Variants in NRP2 observed in about 807,000 individuals in gnomAD.
The protein encoded by NRP2 is neuropilin-2.
NRP2 carries 52 observed loss-of-function variants against 110.4 expected under a neutral mutation model. The observed-to-expected ratio is 0.47, with a 90% CI of 0.38 to 0.59. NRP2 has a LOEUF of 0.59. Ranked by LOEUF, NRP2 falls within the 20% of genes least tolerant of loss-of-function variation. The pLI is 0.00. For missense variants in NRP2, 1,049 were observed against 1,203.0 expected, an observed-to-expected ratio of 0.87 and a Z score of 1.89; for synonymous variants, 508 against 468.9, an observed-to-expected ratio of 1.08 and a Z score of -1.08.
At chr2:205,746,400 C>T (rs1455913250) in intron 10 of NRP2, among the ~76,000 whole-genome samples, 1 of 152,238 alleles carries the variant, frequency 6.6e-6, no homozygotes, top group Non-Finnish European at 1.5e-5. Flanking sequence ...TTCTCATTGT[C>T]CTGCTCATTC....
chr2:205,740,630 C>T lies in NRP2; in HGVS notation c.1258C>T (p.Leu420Phe). The T allele has an allele frequency of 1.2e-6, 2 of 1,614,236 alleles. No individual in the cohort carries two copies. The highest frequency in any genetic ancestry group is 1.7e-6 in the Non-Finnish European group (2 of 1,180,048). ...RPQTWHSGIA[L>F]RLELFGCRVT... ...TCAGACCTGGCACTCAGGTATCGCC[C>T]TCCGGCTGGAGCTCTTCGGCTGCCG... The change falls in exon 8 of 17, where the codon CTC becomes TTC. Residue 420 changes from leucine to phenylalanine, a missense_variant. Coordinates refer to ENST00000357785, the MANE Select transcript of NRP2 (RefSeq NM_003872.3).
intron 3 of NRP2, among the ~76,000 whole-genome samples, chr2:205,717,956 A>G (rs1464201531): frequency 1.3e-5 from 2 of 152,228 alleles, no homozygotes; most frequent in African/African-American, 4.8e-5. Flanking sequence ...GGCAGAATGA[A>G]TAAGTGCAAA....
chr2:205,724,422 C>T (rs1559328586), intron 5 of NRP2, among the ~76,000 whole-genome samples: 1 of 152,060 alleles, frequency 6.6e-6, no homozygotes, highest in African/African-American at 2.4e-5. Context: ...TAATGTTTTC[C>T]TGACTAGATT....
chr2:205,702,360 T>G (rs961260867), intron 2 of NRP2, among the ~76,000 whole-genome samples: 3 of 152,254 alleles, frequency 2.0e-5, no homozygotes, highest in Non-Finnish European at 4.4e-5. Context: ...CATTTCCAGT[T>G]GGCTTCAGCC....
chr2:205,745,599 C>G (rs951718270), intron 9 of NRP2, 147 bp from the exon 10 acceptor site: 1 of 832,358 alleles, frequency 1.2e-6, no homozygotes. Context: ...TCGCGTGGAT[C>G]AGAATGTCCC....
chr2:205,764,016 G>T, intron 13 of NRP2, 80 bp downstream of exon 13: 1 of 1,551,274 alleles, frequency 6.4e-7, no homozygotes, highest in Non-Finnish European at 8.8e-7. Flanking sequence ...TAGGGAACGT[G>T]GTTAAGCGCT....
chr2:205,727,772 T>C, intron 6 of NRP2, 119 bp from the exon 7 acceptor site: 1 of 955,318 alleles, frequency 1.0e-6, no homozygotes. Flanking sequence ...CAAGTATGTC[T>C]CAGTGAATCA....
At chr2:205,782,631 T>C (rs1263794579) in intron 15 of NRP2, among the ~76,000 whole-genome samples, 1 of 152,222 alleles carries the variant, frequency 6.6e-6, no homozygotes, top group African/African-American at 2.4e-5. Context: ...TTGGTTAAGC[T>C]GGGGTTTAGT....
intron 9 of NRP2, 52 bp from the exon 10 acceptor site, chr2:205,745,694 G>A (rs2105879985): frequency 1.2e-6 from 2 of 1,611,328 alleles, no homozygotes; most frequent in Non-Finnish European, 1.7e-6. Context: ...GGAAGAAGGT[G>A]ATAGGGACTG....
intron 6 of NRP2, 58 bp downstream of exon 6, chr2:205,726,140 G>A: frequency 6.4e-7 from 1 of 1,561,290 alleles, no homozygotes; most frequent in Non-Finnish European, 8.8e-7. Context: ...GGGTAGGAGG[G>A]TAGCTCCTCA....
chr2:205,786,688 T>G (rs2105966922), intron 15 of NRP2, among the ~76,000 whole-genome samples: 1 of 152,360 alleles, frequency 6.6e-6, no homozygotes, highest in Middle Eastern at 3.4e-3. Flanking sequence ...TAAGTGGATG[T>G]GCTAAGACTG....
At chr2:205,722,813 C>G (rs949997613) in intron 4 of NRP2, 105 bp downstream of exon 4, 22 of 875,114 alleles carry the variant, frequency 2.5e-5, no homozygotes, top group Non-Finnish European at 4.1e-5. Context: ...CCTATGAGTT[C>G]TTATATGACC....
chr2:205,694,458 T>A lies in NRP2; in HGVS notation c.74-3086T>A, dbSNP rs114656731. On this transcript the variant is annotated intron_variant, in intron 1 of 16. Transcript: ENST00000357785. ...CCAAGCCTGGATTTTGCTATCTCTC[T>A]TCGGGTGATGAATTTGCCCCAGGTG... is the stretch of plus-strand genomic sequence containing the variant. Among the ~76,000 whole-genome samples the A allele has an allele frequency of 1.6e-3, 241 of 152,358 alleles. 3 individuals carry two copies. Among genetic ancestry groups the A allele is most frequent in the Middle Eastern group, 6.8e-3 (2 of 294 alleles).
chr2:205,758,659 C>T lies in NRP2; in HGVS notation c.2045-5015C>T, dbSNP rs147143507. On this transcript the variant is annotated intron_variant, in intron 12 of 16. Transcript: ENST00000357785. ...CAGATGTTTTGGGTCAAGGACCCAGCGAAATGCCTCCCAAGTATGTCAGGT... is the reference window on the plus strand; with the variant it reads ...CAGATGTTTTGGGTCAAGGACCCAGTGAAATGCCTCCCAAGTATGTCAGGT... Among the ~76,000 whole-genome samples the T allele has an allele frequency of 1.2e-4, 18 of 152,282 alleles. No individual in the cohort carries two copies. The East Asian group carries it at 2.7e-3, about 23-fold the overall frequency.
rs114334258 is a variant in NRP2 at position 205,793,193 on chromosome 2, G to T, written c.2476+908G>T. 4.3e-3 allele frequency among the ~76,000 whole-genome samples: 649 copies of T among 152,272 alleles called. 11 individuals carry two copies. Among genetic ancestry groups the T allele is most frequent in the African/African-American group, 0.015 (612 of 41,556 alleles). On this transcript the variant is annotated intron_variant, in intron 16 of 16. Coordinates refer to ENST00000357785, the MANE Select transcript of NRP2 (RefSeq NM_003872.3). ...CATGACCAACCTACATGGAGAGACC[G>T]CAGTAGATCAGGCAGAGGCGCACTG...
intron 15 of NRP2, chr2:205,776,907 G>T (rs370978200): frequency 8.4e-7 from 1 of 1,196,934 alleles, no homozygotes; most frequent in Non-Finnish European, 1.1e-6. Context: ...GCCAGGAGAC[G>T]TGAGGGGAAG....
At position 205,738,954 on chromosome 2, in the gene NRP2, T is replaced by G. The variant is rs1322694691; in HGVS notation, c.1147-1565T>G. Among the ~76,000 whole-genome samples, 7 of 152,192 alleles carry G rather than the reference T, an allele frequency of 4.6e-5. No homozygotes were observed. In the East Asian group the frequency reaches 1.4e-3, roughly 29 times the overall value. ...TATGGTGTCTTCAGTGGTGTGTTAT[T>G]AAATGGCTCTAACTTTTAACCTTAG... On this transcript the variant is annotated intron_variant, in intron 7 of 16. Transcript: ENST00000357785.
At chr2:205,708,178 G>T (rs1009007299) in intron 2 of NRP2, among the ~76,000 whole-genome samples, 1 of 152,222 alleles carries the variant, frequency 6.6e-6, no homozygotes, top group Admixed American at 6.5e-5. Flanking sequence ...AGAGGGTGAG[G>T]ATTTTATAGA....
At chr2:205,713,491 A>G (rs192354961) in intron 2 of NRP2, among the ~76,000 whole-genome samples, 1 of 152,356 alleles carries the variant, frequency 6.6e-6, no homozygotes, top group African/African-American at 2.4e-5. Flanking sequence ...GAAGAGAGAA[A>G]AAATTACCAA....
Sources: allele counts gnomAD v4.1 joint callset (sites outside exome capture counted in the v4.1 genomes callset), GRCh38; gene constraint gnomAD v4.1.1; transcripts MANE v1.5; gene names NCBI Gene and HGNC (gene_info 2026-07-23, HGNC 2026-07-21).